NR6A1: variants seen among roughly 807,000 people sequenced by gnomAD.
The protein encoded by NR6A1 is nuclear receptor subfamily 6 group A member 1.
In NR6A1, 7 loss-of-function variants were observed where a neutral mutation model predicts 59.1. That is an observed-to-expected ratio of 0.12 (90% CI 0.07 to 0.22). NR6A1 has a LOEUF of 0.22. Ranked by LOEUF, NR6A1 falls within the 10% of genes least tolerant of loss-of-function variation. The pLI is 1.00. For synonymous variants in NR6A1, 243 were observed against 236.1 expected (o/e 1.03, Z -0.27); for missense variants, 468 against 611.6 (o/e 0.77, Z 2.48).
At chr9:124,555,430 G>A (rs1833895017) in intron 2 of NR6A1, among the ~76,000 whole-genome samples, 1 of 152,146 alleles carries the variant, frequency 6.6e-6, no homozygotes, top group African/African-American at 2.4e-5. Flanking sequence ...TCACTCCTGA[G>A]TAAGAGGGAA....
intron 2 of NR6A1, among the ~76,000 whole-genome samples, chr9:124,726,075 G>A (rs1180360125): frequency 6.6e-6 from 1 of 152,148 alleles, no homozygotes; most frequent in Non-Finnish European, 1.5e-5. Context: ...CCTGAATATT[G>A]GGTGATGTCA....
At chr9:124,593,397 TAA>T (rs1180923996) in intron 2 of NR6A1, among the ~76,000 whole-genome samples, 1 of 150,798 alleles carries the variant, frequency 6.6e-6, no homozygotes, top group Non-Finnish European at 1.5e-5. Context: ...AACATTAGAA[TAA>T]AAAAGAAGAG....
At chr9:124,726,599 A>G (rs1394440767) in intron 2 of NR6A1, among the ~76,000 whole-genome samples, 1 of 152,210 alleles carries the variant, frequency 6.6e-6, no homozygotes, top group Non-Finnish European at 1.5e-5. Flanking sequence ...AAGTCCTCTC[A>G]GTAAGGAGTG....
At chr9:124,562,984 A>C (rs935114739) in intron 2 of NR6A1, among the ~76,000 whole-genome samples, 4 of 152,228 alleles carry the variant, frequency 2.6e-5, no homozygotes, top group African/African-American at 9.6e-5. Flanking sequence ...AGAATTGTAC[A>C]ATCTGGGGTC....
At chr9:124,767,967 C>T (rs982104284) in intron 1 of NR6A1, among the ~76,000 whole-genome samples, 3 of 152,200 alleles carry the variant, frequency 2.0e-5, no homozygotes, top group African/African-American at 4.8e-5. Context: ...CAAAAGGGAG[C>T]AGTCCTCTAT....
At chr9:124,603,084 C>CA (rs1835489446) in intron 2 of NR6A1, among the ~76,000 whole-genome samples, 1 of 152,174 alleles carries the variant, frequency 6.6e-6, no homozygotes, top group African/African-American at 2.4e-5. Context: ...GACTTAAACT[C>CA]AAAGTCAAAT....
chr9:124,534,073 T>C (rs1201167329), intron 7 of NR6A1, among the ~76,000 whole-genome samples: 1 of 106,300 alleles, frequency 9.4e-6, no homozygotes, highest in Non-Finnish European at 1.6e-5. Context: ...ATTATAAGAC[T>C]TTTTTTTTTT....
chr9:124,693,960 T>C (rs115362724), intron 2 of NR6A1, among the ~76,000 whole-genome samples: 1,565 of 152,282 alleles, frequency 0.01, 27 homozygotes, highest in African/African-American at 0.035. Context: ...CTTTTCTCCT[T>C]TTTCAATAGT....
chr9:124,565,697 A>G (rs1041237691), intron 2 of NR6A1, among the ~76,000 whole-genome samples: 3 of 152,236 alleles, frequency 2.0e-5, no homozygotes, highest in African/African-American at 4.8e-5. Flanking sequence ...AAGGAGGTTA[A>G]GCCACATAAT....
intron 2 of NR6A1, among the ~76,000 whole-genome samples, chr9:124,562,782 G>C (rs1003679028): frequency 6.6e-6 from 1 of 152,152 alleles, no homozygotes; most frequent in African/African-American, 2.4e-5. Flanking sequence ...AAATAAAGCT[G>C]CTGATATGGT....
chr9:124,583,202 A>G (rs1834823639), intron 2 of NR6A1, among the ~76,000 whole-genome samples: 1 of 134,888 alleles, frequency 7.4e-6, no homozygotes, highest in African/African-American at 2.7e-5. Flanking sequence ...AATTAGTGGG[A>G]AAAGTTTGGA....
intron 2 of NR6A1, among the ~76,000 whole-genome samples, chr9:124,611,774 A>AGAGAGAGAGAGAGAGAGAGT (rs148472095): frequency 2.9e-4 from 31 of 105,712 alleles, no homozygotes; most frequent in Middle Eastern, 4.7e-3. Flanking sequence ...AGAGAGAGAG[A>AGAGAGAGAGAGAGAGAGAGT]GAGAGAGAAT....
chr9:124,688,700 C>A (rs1191518540), intron 2 of NR6A1, among the ~76,000 whole-genome samples: 1 of 152,162 alleles, frequency 6.6e-6, no homozygotes, highest in East Asian at 1.9e-4. Context: ...ATTGAGAAAT[C>A]CTGCTCTATA....
At chr9:124,668,330 G>C (rs1001234993) in intron 2 of NR6A1, among the ~76,000 whole-genome samples, 1 of 152,124 alleles carries the variant, frequency 6.6e-6, no homozygotes, top group East Asian at 1.9e-4. Context: ...CTGTCACAAG[G>C]GTGGCAGAAG....
intron 2 of NR6A1, among the ~76,000 whole-genome samples, chr9:124,628,743 C>T (rs1323226520): frequency 4.6e-5 from 7 of 151,996 alleles, no homozygotes; most frequent in Non-Finnish European, 1.0e-4. Context: ...CGGGTTCAAG[C>T]AATTCTCCTG....
chr9:124,696,452 G>A (rs980716752), intron 2 of NR6A1, among the ~76,000 whole-genome samples: 1 of 149,880 alleles, frequency 6.7e-6, no homozygotes, highest in Non-Finnish European at 1.5e-5. Context: ...GATATTTCAA[G>A]ATACTTAAAA....
chr9:124,670,798 T>C (rs1453727391), intron 2 of NR6A1, among the ~76,000 whole-genome samples: 1 of 152,184 alleles, frequency 6.6e-6, no homozygotes, highest in Non-Finnish European at 1.5e-5. Flanking sequence ...TGTCAGGGTA[T>C]CAGGTTGTCA....
chr9:124,612,793 T>TTTTCTTTCTTTC lies in NR6A1; in HGVS notation c.143-58235_143-58224dup, dbSNP rs72252917. The stretch of plus-strand genomic sequence containing the variant: ...AGTAGTTTGGGTTTTTCTTTCTTTC[T>TTTTCTTTCTTTC]TTTCTTTCTTTCTTTCTTTCTTTCT... On this transcript the variant is annotated intron_variant, in intron 2 of 9. Coordinates refer to ENST00000487099, the MANE Select transcript of NR6A1 (RefSeq NM_033334.4). Among the ~76,000 whole-genome samples, 713 of 145,578 alleles carry TTTTCTTTCTTTC rather than the reference T, an allele frequency of 4.9e-3. 4 individuals are homozygous for TTTTCTTTCTTTC. The highest frequency in any genetic ancestry group is 0.028 in the East Asian group (143 of 5,098).
chr9:124,722,242 C>A (rs1007718053), intron 2 of NR6A1, among the ~76,000 whole-genome samples: 3 of 152,260 alleles, frequency 2.0e-5, no homozygotes, highest in Admixed American at 1.3e-4. Flanking sequence ...TGCTATAATC[C>A]TTCTCACACT....
Sources: allele counts gnomAD v4.1 joint callset (sites outside exome capture counted in the v4.1 genomes callset), GRCh38; gene constraint gnomAD v4.1.1; transcripts MANE v1.5; gene names NCBI Gene and HGNC (gene_info 2026-07-23, HGNC 2026-07-21).